The following DACH2 variants were observed in gnomAD, a reference collection of about 807,000 sequenced individuals.
The protein encoded by DACH2 is dachshund family transcription factor 2.
DACH2 carries 17 observed loss-of-function variants against 35.8 expected under a neutral mutation model. The ratio of observed to expected loss-of-function variants is 0.48; its 90% CI spans 0.33 to 0.71. The LOEUF (loss-of-function observed/expected upper bound fraction) is 0.71. DACH2 is among the 30% of genes least tolerant of loss of function. DACH2 has a pLI of 0.02. For missense variants in DACH2, 469 were observed against 472.7 expected (o/e 0.99, Z 0.07); for synonymous variants, 195 against 177.3 (o/e 1.10, Z -0.79).
intron 7 of DACH2, among the ~76,000 whole-genome samples, chrX:86,780,021 T>C (rs749584712): frequency 1.1e-4 from 12 of 110,604 alleles, no homozygotes; most frequent in African/African-American, 3.9e-4. Flanking sequence ...GCTGGGAGTC[T>C]GATACCCATC....
intron 11 of DACH2, chrX:86,827,782 G>T: frequency 8.6e-7 from 1 of 1,165,901 alleles, no homozygotes; most frequent in African/African-American, 1.8e-5. Context: ...CACTGATGCC[G>T]GAACTCCAAC....
At chrX:86,765,111 T>A (rs1026282354) in intron 7 of DACH2, among the ~76,000 whole-genome samples, 2 of 111,937 alleles carry the variant, frequency 1.8e-5, no homozygotes, top group Non-Finnish European at 1.9e-5. Context: ...TTTGTTTAAG[T>A]TCCTTGTAAT....
At chrX:86,755,840 AC>A (rs761076317) in intron 7 of DACH2, among the ~76,000 whole-genome samples, 16 of 108,707 alleles carry the variant, frequency 1.5e-4, no homozygotes, top group Non-Finnish European at 2.7e-4. Flanking sequence ...CTCGTGATCC[AC>A]CCGCCTCAGC....
At chrX:86,667,545 G>A (rs28538182) in intron 4 of DACH2, among the ~76,000 whole-genome samples, 188 of 31,206 alleles carry the variant, frequency 6.0e-3, no homozygotes, top group Middle Eastern at 0.016. Context: ...AAGAAAGAAA[G>A]AAGAAAGAAA....
intron 1 of DACH2, among the ~76,000 whole-genome samples, chrX:86,255,916 G>C (rs763679877): frequency 3.6e-5 from 4 of 110,398 alleles, no homozygotes; most frequent in African/African-American, 1.3e-4. Flanking sequence ...TTATAACATG[G>C]GCAGGGTTAC....
intron 4 of DACH2, among the ~76,000 whole-genome samples, chrX:86,659,378 T>G (rs1340191791): frequency 1.8e-5 from 2 of 111,314 alleles, no homozygotes; most frequent in African/African-American, 6.5e-5. Flanking sequence ...ATCTAGTGAA[T>G]TACATTTCTT....
chrX:86,493,823 C>A (rs189247819), intron 2 of DACH2, among the ~76,000 whole-genome samples: 2 of 111,941 alleles, frequency 1.8e-5, no homozygotes, highest in Non-Finnish European at 3.8e-5. Context: ...ATAACAACTT[C>A]ATAATAATAA....
intron 1 of DACH2, among the ~76,000 whole-genome samples, chrX:86,249,232 A>C (rs979744660): frequency 9.9e-5 from 11 of 111,649 alleles, no homozygotes; most frequent in Non-Finnish European, 1.7e-4. Flanking sequence ...GAGCTTTTGC[A>C]AATCAAAAGA....
intron 2 of DACH2, among the ~76,000 whole-genome samples, chrX:86,505,633 T>C (rs1038528601): frequency 2.2e-5 from 2 of 90,397 alleles, no homozygotes; most frequent in Non-Finnish European, 4.3e-5. Context: ...TTTTAAGTTG[T>C]TTAGCACTTG....
intron 3 of DACH2, among the ~76,000 whole-genome samples, chrX:86,606,210 C>CT (rs1181872760): frequency 9.1e-6 from 1 of 109,924 alleles, no homozygotes; most frequent in East Asian, 2.9e-4. Flanking sequence ...TTTATTATAT[C>CT]TTTTTTCTAG....
intron 2 of DACH2, among the ~76,000 whole-genome samples, chrX:86,407,658 T>G (rs1025828064): frequency 8.9e-6 from 1 of 111,747 alleles, no homozygotes; most frequent in African/African-American, 3.3e-5. Context: ...GGCTGATGAG[T>G]TTTGATAAGT....
At chrX:86,306,224 G>GA (rs2034684531) in intron 1 of DACH2, among the ~76,000 whole-genome samples, 2 of 111,954 alleles carry the variant, frequency 1.8e-5, no homozygotes, top group African/African-American at 6.5e-5. Flanking sequence ...AATAGCTAAA[G>GA]AAAATGTAGT....
chrX:86,235,808 T>A (rs2033044487), intron 1 of DACH2, among the ~76,000 whole-genome samples: 1 of 111,579 alleles, frequency 9.0e-6, no homozygotes, highest in African/African-American at 3.3e-5. Context: ...TAATCTGAAA[T>A]TCAAAAAACT....
chrX:86,591,539 C>CTTTTT (rs1296506235), intron 3 of DACH2, among the ~76,000 whole-genome samples: 2 of 69,206 alleles, frequency 2.9e-5, no homozygotes, highest in African/African-American at 1.1e-4. Context: ...AGTTCTTTGG[C>CTTTTT]TATTTTTTTT....
At chrX:86,827,011 T>C (rs2042568413) in intron 11 of DACH2, among the ~76,000 whole-genome samples, 1 of 112,239 alleles carries the variant, frequency 8.9e-6, no homozygotes, top group Non-Finnish European at 1.9e-5. Context: ...AGTACACCTG[T>C]GTGAATTCTA....
At chrX:86,163,096 T>C (rs1466474755) in intron 1 of DACH2, among the ~76,000 whole-genome samples, 1 of 111,278 alleles carries the variant, frequency 9.0e-6, no homozygotes, top group Non-Finnish European at 1.9e-5. Context: ...TAAGTTCTTA[T>C]TGACTCTAGT....
At chrX:86,297,867 C>G (rs1348879988) in intron 1 of DACH2, among the ~76,000 whole-genome samples, 1 of 111,790 alleles carries the variant, frequency 8.9e-6, no homozygotes, top group Non-Finnish European at 1.9e-5. Flanking sequence ...AAAGTGACCG[C>G]TATTAATAAT....
At chrX:86,277,054 T>C (rs941530361) in intron 1 of DACH2, among the ~76,000 whole-genome samples, 2 of 111,866 alleles carry the variant, frequency 1.8e-5, no homozygotes, top group Admixed American at 9.5e-5. Flanking sequence ...ATTTTTTTTC[T>C]ATTTCTGTGA....
intron 1 of DACH2, among the ~76,000 whole-genome samples, chrX:86,329,036 G>C (rs939403792): frequency 9.0e-6 from 1 of 111,274 alleles, no homozygotes; most frequent in Non-Finnish European, 1.9e-5. Flanking sequence ...ACGATTCCTT[G>C]GGAAAACAGA....
Sources: gnomAD v4.1 joint callset for allele counts (sites outside exome capture counted in the v4.1 genomes callset) on GRCh38, gnomAD v4.1.1 for gene constraint, MANE v1.5 for transcripts, NCBI Gene and HGNC (gene_info 2026-07-23, HGNC 2026-07-21) for gene names.